The following TRPM3 variants were observed in gnomAD, a reference collection of about 807,000 sequenced individuals.
The protein encoded by TRPM3 is transient receptor potential cation channel subfamily M member 3.
A neutral mutation model predicts 181.2 loss-of-function variants in TRPM3; 77 were observed. The observed-to-expected ratio is 0.42, with a 90% CI of 0.35 to 0.51. TRPM3 has a LOEUF of 0.51. TRPM3 is among the 20% of genes least tolerant of loss of function. TRPM3 has a pLI of 0.01. For missense variants in TRPM3, 1,759 were observed against 2,196.7 expected, an observed-to-expected ratio of 0.80 and a Z score of 3.98; for synonymous variants, 745 against 796.4, an observed-to-expected ratio of 0.94 and a Z score of 1.09.
chr9:71,267,905 C>T (rs2083497950), intron 1 of TRPM3, among the ~76,000 whole-genome samples: 1 of 151,970 alleles, frequency 6.6e-6, no homozygotes, highest in African/African-American at 2.4e-5. Context: ...CTAGGGTGTA[C>T]AAAAAAGATA....
chr9:70,936,054 T>C (rs1480606072), intron 1 of TRPM3, among the ~76,000 whole-genome samples: 1 of 152,212 alleles, frequency 6.6e-6, no homozygotes, highest in East Asian at 1.9e-4. Context: ...GCAATGGAAT[T>C]AACTTTGGCT....
rs142032912 is a variant in TRPM3 at position 71,109,158 on chromosome 9, G to A, written c.177+12020C>T. On this transcript the variant is annotated intron_variant, in intron 1 of 25. Coordinates refer to ENST00000677713, the MANE Select transcript of TRPM3 (RefSeq NM_001366145.2). ...TTTTCTGGCTCTCCAGCCAACTTAAGCTGCAATTCTCTCCTGAGTCTTCAG... is the reference window on the plus strand; with the variant it reads ...TTTTCTGGCTCTCCAGCCAACTTAAACTGCAATTCTCTCCTGAGTCTTCAG... Among the ~76,000 whole-genome samples the A allele has an allele frequency of 6.7e-4, 102 of 152,156 alleles. 1 individual carries two copies. The highest frequency in any genetic ancestry group is 2.3e-3 in the African/African-American group (96 of 41,434).
intron 1 of TRPM3, among the ~76,000 whole-genome samples, chr9:71,247,312 C>A (rs2131998428): frequency 6.9e-6 from 1 of 144,832 alleles, no homozygotes; most frequent in Non-Finnish European, 1.5e-5. Context: ...CGAGATCATG[C>A]CTCTGCACTC....
At chr9:71,043,956 T>C (rs1020553073) in intron 1 of TRPM3, among the ~76,000 whole-genome samples, 1 of 152,132 alleles carries the variant, frequency 6.6e-6, no homozygotes, top group South Asian at 2.1e-4. Context: ...TCCTTGAGAC[T>C]TCCCCTGCTT....
intron 9 of TRPM3, among the ~76,000 whole-genome samples, chr9:70,673,754 C>T (rs751808227): frequency 1.3e-5 from 2 of 151,746 alleles, no homozygotes; most frequent in African/African-American, 2.4e-5. Context: ...TAGTGAAACC[C>T]CATCTCTACT....
chr9:71,209,023 G>A (rs905158578), intron 1 of TRPM3, among the ~76,000 whole-genome samples: 4 of 152,154 alleles, frequency 2.6e-5, no homozygotes, highest in Admixed American at 1.3e-4. Context: ...CAGACACAAT[G>A]TAAATCATGA....
At chr9:71,213,826 T>A (rs2079671683) in intron 1 of TRPM3, among the ~76,000 whole-genome samples, 1 of 152,194 alleles carries the variant, frequency 6.6e-6, no homozygotes, top group African/African-American at 2.4e-5. Flanking sequence ...ATAAATGACA[T>A]CATCCATTGA....
At chr9:71,344,092 A>G (rs992136680) in intron 1 of TRPM3, among the ~76,000 whole-genome samples, 27 of 152,092 alleles carry the variant, frequency 1.8e-4, no homozygotes, top group African/African-American at 6.3e-4. Context: ...TTCATTACAT[A>G]AGATGATAAC....
chr9:70,589,019 G>A (rs1428476677), intron 22 of TRPM3, among the ~76,000 whole-genome samples: 7 of 152,194 alleles, frequency 4.6e-5, no homozygotes, highest in Non-Finnish European at 8.8e-5. Flanking sequence ...GAAGGTAAGT[G>A]GTTGGGGAAG....
At chr9:70,753,393 T>C (rs902798043) in intron 8 of TRPM3, among the ~76,000 whole-genome samples, 1 of 152,026 alleles carries the variant, frequency 6.6e-6, no homozygotes, top group Non-Finnish European at 1.5e-5. Flanking sequence ...TTTAGAACAA[T>C]GATTGTAGGG....
At chr9:71,318,956 GGCT>G (rs1331229906) in intron 1 of TRPM3, among the ~76,000 whole-genome samples, 1 of 147,922 alleles carries the variant, frequency 6.8e-6, no homozygotes, top group Non-Finnish European at 1.5e-5. Flanking sequence ...AGCAACTACA[GGCT>G]GCTTTCTGTT....
At chr9:70,965,453 A>T (rs957052237) in intron 1 of TRPM3, among the ~76,000 whole-genome samples, 2 of 152,102 alleles carry the variant, frequency 1.3e-5, no homozygotes, top group Admixed American at 6.6e-5. Context: ...CAATCAAGTG[A>T]CACAGAGAAA....
At chr9:71,185,562 A>G (rs1257632314) in intron 1 of TRPM3, among the ~76,000 whole-genome samples, 1 of 152,106 alleles carries the variant, frequency 6.6e-6, no homozygotes, top group Non-Finnish European at 1.5e-5. Flanking sequence ...GCTAATTAGG[A>G]CAGCCTTTGA....
intron 1 of TRPM3, among the ~76,000 whole-genome samples, chr9:70,877,829 A>ACACACACACT (rs1196818421): frequency 6.0e-5 from 9 of 150,744 alleles, no homozygotes; most frequent in African/African-American, 2.2e-4. Context: ...ACACACACAC[A>ACACACACACT]CTCCCATGAA....
At chr9:70,961,447 C>T (rs2097135976) in intron 1 of TRPM3, among the ~76,000 whole-genome samples, 3 of 152,130 alleles carry the variant, frequency 2.0e-5, no homozygotes, top group African/African-American at 7.2e-5. Flanking sequence ...TCATCTTCTA[C>T]CTGTCTCTCC....
At chr9:70,755,201 A>G (rs1341157928) in intron 8 of TRPM3, among the ~76,000 whole-genome samples, 1 of 152,140 alleles carries the variant, frequency 6.6e-6, no homozygotes, top group Non-Finnish European at 1.5e-5. Flanking sequence ...AAGAGCAACC[A>G]CAAGACACAT....
chr9:70,892,104 T>C (rs1309857056), intron 1 of TRPM3, among the ~76,000 whole-genome samples: 1 of 152,336 alleles, frequency 6.6e-6, no homozygotes, highest in East Asian at 1.9e-4. Flanking sequence ...AGGAAAGAGA[T>C]ACTGAGAGGA....
chr9:70,637,384 C>T (rs575816527), intron 11 of TRPM3, among the ~76,000 whole-genome samples: 47 of 152,062 alleles, frequency 3.1e-4, no homozygotes, highest in Admixed American at 3.9e-4. Context: ...CAAAGTATTC[C>T]GGGAAGCCAC....
At chr9:71,142,990 A>G (rs951144953) in intron 1 of TRPM3, among the ~76,000 whole-genome samples, 2 of 132,162 alleles carry the variant, frequency 1.5e-5, no homozygotes, top group African/African-American at 2.6e-5. Context: ...TAAAAAAAAA[A>G]AAAGAAAGAA....
Sources: allele counts gnomAD v4.1 joint callset (sites outside exome capture counted in the v4.1 genomes callset), GRCh38; gene constraint gnomAD v4.1.1; transcripts MANE v1.5; gene names NCBI Gene and HGNC (gene_info 2026-07-23, HGNC 2026-07-21).